The following COLEC10 variants were observed in gnomAD, a reference collection of about 807,000 sequenced individuals.
COLEC10 encodes the protein collectin subfamily member 10, also known as collectin-10.
Under a neutral mutation model 28.4 loss-of-function variants are expected in COLEC10, and 22 were observed. The ratio of observed to expected loss-of-function variants is 0.78; its 90% CI spans 0.55 to 1.11. The LOEUF (loss-of-function observed/expected upper bound fraction) is 1.11, where lower values mean the gene tolerates loss of function less well. Ranked by LOEUF, COLEC10 falls within the 50% of genes least tolerant of loss-of-function variation. COLEC10 has a pLI of 0.00. For missense variants in COLEC10, 361 were observed against 344.1 expected, an observed-to-expected ratio of 1.05 and a Z score of -0.39; for synonymous variants, 125 against 116.1, an observed-to-expected ratio of 1.08 and a Z score of -0.49.
chr8:119,051,152 TAATAA>T (rs1347526965), intron 2 of COLEC10, among the ~76,000 whole-genome samples: 3 of 152,146 alleles, frequency 2.0e-5, no homozygotes, highest in Non-Finnish European at 4.4e-5. Context: ...GAAAGTTGTG[TAATAA>T]AATAAAATTT....
At chr8:119,070,097 C>T (rs1328371772) in intron 1 of COLEC10, among the ~76,000 whole-genome samples, 1 of 150,894 alleles carries the variant, frequency 6.6e-6, no homozygotes, top group Non-Finnish European at 1.5e-5. Flanking sequence ...TCTTATTTCC[C>T]AGACATGGTT....
intron 3 of COLEC10, among the ~76,000 whole-genome samples, chr8:119,100,963 A>G (rs1311281572): frequency 6.6e-6 from 1 of 152,196 alleles, no homozygotes; most frequent in Non-Finnish European, 1.5e-5. Flanking sequence ...CCCAGCAGGC[A>G]TGCCTTCTTC....
At chr8:118,968,512 G>C in the COLEC10 span, among the ~76,000 whole-genome samples, 1 of 151,726 alleles carries the variant, frequency 6.6e-6, no homozygotes, top group African/African-American at 2.4e-5. Context: ...TAGTCTCTAG[G>C]CTCCACATCA....
intron 1 of COLEC10, among the ~76,000 whole-genome samples, chr8:119,001,666 G>A (rs1482659193): frequency 6.6e-6 from 1 of 151,798 alleles, no homozygotes; most frequent in African/African-American, 2.4e-5. Flanking sequence ...ATCAAACCTG[G>A]TTCTCGATTC....
At position 119,103,869 on chromosome 8, in the gene COLEC10, A is replaced by C. The variant is rs1212646836; in HGVS notation, c.416A>C (p.Lys139Thr). The change falls in exon 5 of 6, where the codon AAG becomes ACG. Residue 139 changes from lysine (K) to threonine (T), a missense_variant. By Grantham distance (78) the Lys-to-Thr change is moderately conservative (BLOSUM62 -1). Around this residue, in one of 3 missense-constraint regions of COLEC10, gnomAD observed 335 missense variants for 308.5 expected, o/e 1.09. Transcript: ENST00000332843. ...GQLDISIARL[K>T]TSMKFVKNVI... ...CTGGATATTAGTATTGCTCGGCTCA[A>C]GACATCTATGAAGTTTGTCAAGAAT... The C allele has an allele frequency of 1.2e-6, 2 of 1,611,894 alleles. No individual in the cohort carries two copies. Among genetic ancestry groups the C allele is most frequent in the South Asian group, 2.2e-5 (2 of 91,050 alleles).
chr8:118,986,604 C>T, the COLEC10 span, among the ~76,000 whole-genome samples: 1 of 152,048 alleles, frequency 6.6e-6, no homozygotes, highest in African/African-American at 2.4e-5. Context: ...GAAAAGAAGA[C>T]CCACATCTAA....
At chr8:118,983,238 A>T in the COLEC10 span, among the ~76,000 whole-genome samples, 1 of 152,244 alleles carries the variant, frequency 6.6e-6, no homozygotes, top group Admixed American at 6.5e-5. Context: ...TCTTGTGTCT[A>T]CTGGAATGCA....
At chr8:119,080,716 T>C (rs1042219954) in intron 1 of COLEC10, among the ~76,000 whole-genome samples, 1 of 152,160 alleles carries the variant, frequency 6.6e-6, no homozygotes, top group Non-Finnish European at 1.5e-5. Context: ...AAGAAAAAGC[T>C]AATGATATCT....
At chr8:119,042,565 A>T (rs1814519034) in intron 2 of COLEC10, among the ~76,000 whole-genome samples, 2 of 152,136 alleles carry the variant, frequency 1.3e-5, no homozygotes, top group Admixed American at 1.3e-4. Context: ...CTCATCTGTG[A>T]AATGAGCCCA....
the COLEC10 span, among the ~76,000 whole-genome samples, chr8:118,956,954 T>C: frequency 6.6e-6 from 1 of 152,184 alleles, no homozygotes. Context: ...ACAGATGAGA[T>C]AGTTTTCAGA....
chr8:118,996,616 G>A (rs185996617), intron 1 of COLEC10, among the ~76,000 whole-genome samples: 119 of 152,158 alleles, frequency 7.8e-4, no homozygotes, highest in Non-Finnish European at 1.3e-3. Flanking sequence ...TAGTGACGTT[G>A]GGCATCTTTT....
chr8:118,985,559 ATATGT>A, the COLEC10 span, among the ~76,000 whole-genome samples: 122 of 152,240 alleles, frequency 8.0e-4, no homozygotes, highest in African/African-American at 2.8e-3. Flanking sequence ...TCCTTTCCAC[ATATGT>A]TATAAGATAT....
chr8:118,963,499 T>C, the COLEC10 span, among the ~76,000 whole-genome samples: 3,493 of 152,314 alleles, frequency 0.023, 123 homozygotes, highest in African/African-American at 0.078. Context: ...ACTTTTATAT[T>C]TTACTTTAGC....
chr8:118,969,858 A>C, the COLEC10 span, among the ~76,000 whole-genome samples: 1 of 151,986 alleles, frequency 6.6e-6, no homozygotes, highest in Admixed American at 6.6e-5. Flanking sequence ...GTTTTAGATC[A>C]ATGATTTCTT....
chr8:118,968,667 A>C, the COLEC10 span, among the ~76,000 whole-genome samples: 2 of 152,086 alleles, frequency 1.3e-5, no homozygotes, highest in East Asian at 3.9e-4. Flanking sequence ...GTACATGTGC[A>C]GAACGTGCAG....
chr8:119,043,484 C>G (rs539877436), intron 2 of COLEC10, among the ~76,000 whole-genome samples: 2 of 152,316 alleles, frequency 1.3e-5, no homozygotes, highest in African/African-American at 4.8e-5. Context: ...GTATCCAAAA[C>G]TGTAGAGTTT....
At chr8:119,042,977 A>C (rs938646080) in intron 2 of COLEC10, among the ~76,000 whole-genome samples, 33 of 152,160 alleles carry the variant, frequency 2.2e-4, no homozygotes, top group Non-Finnish European at 4.1e-4. Context: ...GAGAAAAAAA[A>C]CCATCTCTGT....
At chr8:118,997,072 C>T (rs978845580) in intron 1 of COLEC10, among the ~76,000 whole-genome samples, 3 of 152,212 alleles carry the variant, frequency 2.0e-5, no homozygotes, top group African/African-American at 7.2e-5. Flanking sequence ...GACACACATC[C>T]AAACCATATC....
chr8:118,979,993 C>G, the COLEC10 span, among the ~76,000 whole-genome samples: 1 of 151,998 alleles, frequency 6.6e-6, no homozygotes, highest in Non-Finnish European at 1.5e-5. Flanking sequence ...AGCTTGCTTC[C>G]CCGGTGTGAG....
Sources: allele counts gnomAD v4.1 joint callset (sites outside exome capture counted in the v4.1 genomes callset), GRCh38; gene constraint gnomAD v4.1.1; regional missense constraint gnomAD v4.1.1; transcripts MANE v1.5; gene names NCBI Gene and HGNC (gene_info 2026-07-23, HGNC 2026-07-21).